Variants in SEMA5A observed in about 807,000 individuals in gnomAD.
SEMA5A encodes semaphorin-5A.
Under a neutral mutation model 135.5 loss-of-function variants are expected in SEMA5A, and 55 were observed. That is an observed-to-expected ratio of 0.41 (90% confidence interval 0.33 to 0.51). The LOEUF is 0.51. Ranked by LOEUF, SEMA5A falls within the 20% of genes least tolerant of loss-of-function variation. The probability of loss-of-function intolerance (pLI) is 0.37; values close to 1 mark genes in which losing one functional copy is unlikely to be tolerated. For missense variants in SEMA5A, 1,290 were observed against 1,419.9 expected (o/e 0.91, Z 1.47); for synonymous variants, 580 against 546.5 (o/e 1.06, Z -0.85).
At chr5:9,327,455 T>G (rs1352383564) in intron 4 of SEMA5A, among the ~76,000 whole-genome samples, 1 of 152,178 alleles carries the variant, frequency 6.6e-6, no homozygotes, top group African/African-American at 2.4e-5. Flanking sequence ...TTAAAAGTCT[T>G]GGTTATTAGA....
chr5:9,295,656 G>A (rs776167308), intron 5 of SEMA5A, among the ~76,000 whole-genome samples: 16 of 152,100 alleles, frequency 1.1e-4, no homozygotes, highest in Non-Finnish European at 1.8e-4. Context: ...CACCAAGGCT[G>A]CAGATACTTG....
chr5:9,189,164 A>G (rs958480533), intron 11 of SEMA5A, among the ~76,000 whole-genome samples: 4 of 152,242 alleles, frequency 2.6e-5, no homozygotes, highest in Non-Finnish European at 5.9e-5. Flanking sequence ...GCGGAGATCA[A>G]TGCTAACTAG....
chr5:9,081,046 G>A (rs575535717), intron 16 of SEMA5A, among the ~76,000 whole-genome samples: 1 of 152,312 alleles, frequency 6.6e-6, no homozygotes, highest in South Asian at 2.1e-4. Context: ...CTTTGAAGAA[G>A]GAAGTTGCCT....
At chr5:9,539,741 T>C (rs1030919314) in intron 1 of SEMA5A, among the ~76,000 whole-genome samples, 10 of 152,220 alleles carry the variant, frequency 6.6e-5, no homozygotes, top group African/African-American at 2.2e-4. Flanking sequence ...TTTTGAAGCA[T>C]TGTGGAATTG....
chr5:9,249,928 C>T (rs1024575106), intron 5 of SEMA5A, among the ~76,000 whole-genome samples: 4 of 152,292 alleles, frequency 2.6e-5, no homozygotes, highest in African/African-American at 9.6e-5. Flanking sequence ...GGAGAGGTCT[C>T]TGGCTACACG....
chr5:9,105,181 C>G (rs1217560880), intron 16 of SEMA5A, among the ~76,000 whole-genome samples: 1 of 152,162 alleles, frequency 6.6e-6, no homozygotes, highest in East Asian at 1.9e-4. Flanking sequence ...TGACATTGAG[C>G]AATTTACGAG....
At chr5:9,203,802 T>C (rs1805972) in intron 8 of SEMA5A, among the ~76,000 whole-genome samples, 37,922 of 152,072 alleles carry the variant, frequency 0.25, 11,256 homozygotes, top group African/African-American at 0.7. Flanking sequence ...ACTATTGCTT[T>C]CACCCTAAAT....
chr5:9,279,623 G>T (rs1750440614), intron 5 of SEMA5A, among the ~76,000 whole-genome samples: 1 of 152,078 alleles, frequency 6.6e-6, no homozygotes. Flanking sequence ...CAGTGGAGGG[G>T]CCTAGTGGAA....
chr5:9,209,696 G>T (rs1005536413), intron 8 of SEMA5A, among the ~76,000 whole-genome samples: 1 of 152,070 alleles, frequency 6.6e-6, no homozygotes, highest in African/African-American at 2.4e-5. Flanking sequence ...TCTGAGCTGG[G>T]GCAAAAAGAA....
intron 1 of SEMA5A, among the ~76,000 whole-genome samples, chr5:9,486,360 G>T (rs1734725081): frequency 6.6e-6 from 1 of 152,192 alleles, no homozygotes; most frequent in African/African-American, 2.4e-5. Flanking sequence ...GTTGATAGGT[G>T]CAGCAAACTG....
chr5:9,091,620 C>G (rs554997653), intron 16 of SEMA5A, among the ~76,000 whole-genome samples: 89 of 152,306 alleles, frequency 5.8e-4, no homozygotes, highest in Middle Eastern at 3.4e-3. Context: ...GGCTAAAAGA[C>G]CCATTTGTTT....
At chr5:9,319,365 T>C (rs1752526478) in intron 4 of SEMA5A, among the ~76,000 whole-genome samples, 3 of 151,978 alleles carry the variant, frequency 2.0e-5, no homozygotes, top group Admixed American at 1.3e-4. Context: ...AAGTATAAAA[T>C]AGGAAATTAG....
At position 9,311,146 on chromosome 5, in the gene SEMA5A, C is replaced by CGG. The variant is rs35266343; in HGVS notation, c.270+7224_270+7225dup. 5.2e-4 allele frequency among the ~76,000 whole-genome samples: 79 copies of CGG among 151,406 alleles called. 1 individual carries two copies. In the South Asian group the frequency reaches 8.8e-3, roughly 17 times the overall value. On this transcript the variant is annotated intron_variant, in intron 5 of 22. Coordinates refer to ENST00000382496, the MANE Select transcript of SEMA5A (RefSeq NM_003966.3). ...TCAGAGTCAGGTAAATTTCGCTCAA[C>CGG]GGGGGGGTCCTGCTCTGTGCATTGT... is the stretch of plus-strand genomic sequence containing the variant.
At chr5:9,258,289 T>C (rs749513785) in intron 5 of SEMA5A, among the ~76,000 whole-genome samples, 1 of 152,198 alleles carries the variant, frequency 6.6e-6, no homozygotes, top group Non-Finnish European at 1.5e-5. Context: ...ACCAAAATTT[T>C]ACTATGCAAT....
intron 16 of SEMA5A, among the ~76,000 whole-genome samples, chr5:9,098,276 T>A (rs996745413): frequency 6.6e-6 from 1 of 151,042 alleles, no homozygotes; most frequent in Non-Finnish European, 1.5e-5. Context: ...AATAAATAAA[T>A]AAAATGAACA....
intron 8 of SEMA5A, among the ~76,000 whole-genome samples, chr5:9,221,700 CA>C (rs1328218650): frequency 6.6e-6 from 1 of 151,962 alleles, no homozygotes; most frequent in South Asian, 2.1e-4. Flanking sequence ...AAATATTGTC[CA>C]AAAAACGAAA....
At chr5:9,208,868 G>T (rs1746192658) in intron 8 of SEMA5A, among the ~76,000 whole-genome samples, 1 of 152,104 alleles carries the variant, frequency 6.6e-6, no homozygotes, top group Admixed American at 6.5e-5. Context: ...TGCATCCTTG[G>T]TAACTATTTT....
intron 2 of SEMA5A, among the ~76,000 whole-genome samples, chr5:9,389,832 G>A (rs776565301): frequency 6.6e-5 from 10 of 151,990 alleles, no homozygotes; most frequent in Non-Finnish European, 1.0e-4. Flanking sequence ...CCCACTGTAC[G>A]TTGATTCTTA....
At chr5:9,336,234 T>C (rs1753384933) in intron 4 of SEMA5A, among the ~76,000 whole-genome samples, 1 of 152,028 alleles carries the variant, frequency 6.6e-6, no homozygotes, top group African/African-American at 2.4e-5. Flanking sequence ...GCAGAATAAA[T>C]AATTCCACAT....
Sources: gnomAD v4.1 joint callset for allele counts (sites outside exome capture counted in the v4.1 genomes callset) on GRCh38, gnomAD v4.1.1 for gene constraint, MANE v1.5 for transcripts, NCBI Gene and HGNC (gene_info 2026-07-23, HGNC 2026-07-21) for gene names.